NELL1: variants seen among roughly 807,000 people sequenced by gnomAD.
NELL1 encodes protein kinase C-binding protein NELL1.
Under a neutral mutation model 107.4 loss-of-function variants are expected in NELL1, and 76 were observed. The observed-to-expected ratio is 0.71, with a 90% CI of 0.59 to 0.86. The LOEUF (loss-of-function observed/expected upper bound fraction) is 0.86. NELL1 is among the 40% of genes least tolerant of loss of function. The pLI is 0.00. For synonymous variants in NELL1, 353 were observed against 341.2 expected (o/e 1.03, Z -0.38); for missense variants, 1,024 against 1,005.5 (o/e 1.02, Z -0.25).
chr11:21,353,026 T>C (rs767142069), intron 14 of NELL1, among the ~76,000 whole-genome samples: 33 of 152,276 alleles, frequency 2.2e-4, no homozygotes, highest in Admixed American at 8.5e-4. Context: ...CATGAGGACA[T>C]GAGTAGATTC....
chr11:20,906,773 G>A (rs751195545), intron 5 of NELL1, among the ~76,000 whole-genome samples: 1 of 151,924 alleles, frequency 6.6e-6, no homozygotes, highest in Non-Finnish European at 1.5e-5. Context: ...CACAGAAAAC[G>A]CATCTGACAA....
At chr11:21,242,318 C>G (rs753196518) in intron 14 of NELL1, among the ~76,000 whole-genome samples, 2 of 152,010 alleles carry the variant, frequency 1.3e-5, no homozygotes, top group Non-Finnish European at 2.9e-5. Flanking sequence ...AGAATCCTTA[C>G]CACTCCGTCA....
At chr11:21,116,693 T>G (rs1288720623) in intron 13 of NELL1, among the ~76,000 whole-genome samples, 1 of 151,928 alleles carries the variant, frequency 6.6e-6, no homozygotes, top group Non-Finnish European at 1.5e-5. Context: ...CCCTCCAATT[T>G]CAATCCATGC....
intron 2 of NELL1, among the ~76,000 whole-genome samples, chr11:20,750,562 AATT>A (rs113562957): frequency 0.19 from 28,965 of 149,516 alleles, 3,146 homozygotes; most frequent in African/African-American, 0.27. Context: ...TGTACCTCGG[AATT>A]ATTATTATTA....
intron 15 of NELL1, among the ~76,000 whole-genome samples, chr11:21,505,260 A>G (rs190106865): frequency 4.3e-4 from 65 of 152,308 alleles, no homozygotes; most frequent in Admixed American, 7.9e-4. Context: ...CCTACCTATA[A>G]GAGTTAACCT....
At chr11:21,502,838 GAAT>G (rs1855176653) in intron 15 of NELL1, among the ~76,000 whole-genome samples, 1 of 152,112 alleles carries the variant, frequency 6.6e-6, no homozygotes, top group Non-Finnish European at 1.5e-5. Flanking sequence ...AAAGTTTATA[GAAT>G]AATAATTTCC....
chr11:21,485,197 C>A (rs572943861), intron 15 of NELL1, among the ~76,000 whole-genome samples: 1 of 152,226 alleles, frequency 6.6e-6, no homozygotes, highest in African/African-American at 2.4e-5. Flanking sequence ...GATTTCCAAA[C>A]CCTGAGCAGC....
intron 12 of NELL1, among the ~76,000 whole-genome samples, chr11:21,110,546 C>T (rs1290126454): frequency 6.6e-6 from 1 of 152,036 alleles, no homozygotes; most frequent in Non-Finnish European, 1.5e-5. Flanking sequence ...TTGGTGATGG[C>T]CTAAGAAAAA....
intron 15 of NELL1, among the ~76,000 whole-genome samples, chr11:21,414,241 G>T (rs1001008014): frequency 7.2e-5 from 11 of 152,092 alleles, no homozygotes; most frequent in African/African-American, 2.7e-4. Context: ...GAGTGGGGGA[G>T]AGGGTGGGTC....
chr11:21,277,954 C>G (rs185113469), intron 14 of NELL1, among the ~76,000 whole-genome samples: 1 of 151,984 alleles, frequency 6.6e-6, no homozygotes, highest in African/African-American at 2.4e-5. Flanking sequence ...TGTTAAATGA[C>G]GAGTTGCTGG....
At chr11:21,043,556 G>C (rs1240054866) in intron 12 of NELL1, among the ~76,000 whole-genome samples, 1 of 152,024 alleles carries the variant, frequency 6.6e-6, no homozygotes, top group Non-Finnish European at 1.5e-5. Flanking sequence ...AAGTGTAAGA[G>C]TTTACTAGTA....
intron 13 of NELL1, among the ~76,000 whole-genome samples, chr11:21,221,710 T>G (rs1005732695): frequency 6.6e-6 from 1 of 152,134 alleles, no homozygotes; most frequent in African/African-American, 2.4e-5. Context: ...TTGTTGTTGT[T>G]CAGGCAAGGT....
chr11:21,222,264 C>G (rs899614891), intron 13 of NELL1, among the ~76,000 whole-genome samples: 1 of 152,028 alleles, frequency 6.6e-6, no homozygotes, highest in African/African-American at 2.4e-5. Context: ...ACTGCAAGCT[C>G]TGCCTCCCAG....
chr11:21,291,214 G>T (rs193170151), intron 14 of NELL1, among the ~76,000 whole-genome samples: 1 of 152,094 alleles, frequency 6.6e-6, no homozygotes, highest in Non-Finnish European at 1.5e-5. Flanking sequence ...ATCAATAGCC[G>T]AATTGATCAA....
At chr11:21,491,222 T>C (rs1300343410) in intron 15 of NELL1, among the ~76,000 whole-genome samples, 1 of 152,200 alleles carries the variant, frequency 6.6e-6, no homozygotes, top group African/African-American at 2.4e-5. Flanking sequence ...TTTGTCAATT[T>C]TGGCTTTTGT....
At chr11:20,894,442 A>G (rs1006570580) in intron 5 of NELL1, among the ~76,000 whole-genome samples, 2 of 152,222 alleles carry the variant, frequency 1.3e-5, no homozygotes, top group African/African-American at 4.8e-5. Flanking sequence ...TGAAAAGTCT[A>G]TCCAATAAAA....
chr11:20,854,161 C>T (rs1193978278), intron 4 of NELL1, among the ~76,000 whole-genome samples: 1 of 152,120 alleles, frequency 6.6e-6, no homozygotes, highest in Admixed American at 6.5e-5. Flanking sequence ...TACTATTTGC[C>T]TCTCTACTTT....
At chr11:20,798,776 C>T (rs144475453) in intron 3 of NELL1, among the ~76,000 whole-genome samples, 1,537 of 152,284 alleles carry the variant, frequency 0.01, 14 homozygotes, top group South Asian at 0.037. Context: ...AATGAATATC[C>T]ATGAGACCAG....
intron 10 of NELL1, among the ~76,000 whole-genome samples, chr11:20,939,720 T>C (rs1850808556): frequency 6.6e-6 from 1 of 152,004 alleles, no homozygotes; most frequent in African/African-American, 2.4e-5. Flanking sequence ...GGAGACTGGA[T>C]CAGAAGAAGC....
Sources: gnomAD v4.1 joint callset for allele counts (sites outside exome capture counted in the v4.1 genomes callset) on GRCh38, gnomAD v4.1.1 for gene constraint, MANE v1.5 for transcripts, NCBI Gene and HGNC (gene_info 2026-07-23, HGNC 2026-07-21) for gene names.